Variants in SPATA17 observed in about 807,000 individuals in gnomAD.
The protein encoded by SPATA17 is spermatogenesis associated 17, also known as spermatogenesis-associated protein 17.
SPATA17 carries 53 observed loss-of-function variants against 62.2 expected under a neutral mutation model. The observed-to-expected ratio is 0.85, with a 90% CI of 0.68 to 1.07. The LOEUF (loss-of-function observed/expected upper bound fraction) is 1.07. SPATA17 is among the 50% of genes least tolerant of loss of function. The pLI is 0.00. For missense variants in SPATA17, 466 were observed against 425.5 expected (o/e 1.10, Z -0.84); for synonymous variants, 146 against 146.8 (o/e 0.99, Z 0.04).
chr1:217,850,460 A>C (rs1675622623), intron 9 of SPATA17: 1 of 1,309,176 alleles, frequency 7.6e-7, no homozygotes, highest in South Asian at 1.2e-5. Flanking sequence ...TGGATGTTGT[A>C]GTCAGAAAGA....
intron 6 of SPATA17, among the ~76,000 whole-genome samples, chr1:217,755,893 G>A (rs140154581): frequency 0.014 from 2,093 of 151,720 alleles, 117 homozygotes; most frequent in Admixed American, 0.11. Flanking sequence ...AATCAACCTC[G>A]TTTGCTATTA....
chr1:217,637,795 A>G (rs1254773202), intron 1 of SPATA17, among the ~76,000 whole-genome samples: 1 of 152,166 alleles, frequency 6.6e-6, no homozygotes, highest in African/African-American at 2.4e-5. Context: ...TGACCAATAA[A>G]ACTTAGCAAA....
chr1:217,844,332 G>A (rs1236399797), intron 9 of SPATA17, among the ~76,000 whole-genome samples: 3 of 152,126 alleles, frequency 2.0e-5, no homozygotes, highest in Non-Finnish European at 2.9e-5. Flanking sequence ...CTGGGAAGAT[G>A]TTACAGGATT....
intron 4 of SPATA17, among the ~76,000 whole-genome samples, chr1:217,672,705 T>C (rs78132925): frequency 0.013 from 2,052 of 152,276 alleles, 22 homozygotes; most frequent in Non-Finnish European, 0.019. Flanking sequence ...CTGCATTTAT[T>C]TTTTAAAGGG....
Position 217,868,620 on chromosome 1 carries a change from G to A in SPATA17, c.*1601G>A, listed in dbSNP as rs569105115. On this transcript the variant is annotated 3_prime_UTR_variant, in exon 11 of 11. Transcript: ENST00000366933. The stretch of plus-strand genomic sequence containing the variant: ...TAGTTGTATGCATACTCAAAGTATG[G>A]TTTCTACTGAATGCATTGTAAACCA... 2.7e-5 allele frequency: 4 copies of A among 148,316 alleles called. No homozygotes were observed. Among genetic ancestry groups the A allele is most frequent in the African/African-American group, 5.0e-5 (2 of 40,058 alleles). 9.2% of individuals were successfully genotyped at this position (148,316 alleles called of 1,614,324 possible). A position where few individuals can be genotyped will look rare whatever the true frequency, so the allele number is the denominator to read the frequency against.
intron 5 of SPATA17, among the ~76,000 whole-genome samples, chr1:217,721,375 G>A (rs1471779350): frequency 2.0e-5 from 3 of 152,112 alleles, no homozygotes; most frequent in Admixed American, 6.6e-5. Flanking sequence ...AGTGGCTGGT[G>A]TCTGCTGCGA....
chr1:217,868,406 G>A lies in SPATA17; in HGVS notation c.*1387G>A, dbSNP rs1676061018. 2 of 152,044 alleles carry A rather than the reference G, an allele frequency of 1.3e-5. No homozygotes were observed. The highest frequency in any genetic ancestry group is 6.6e-5 in the Admixed American group (1 of 15,248). 9.4% of individuals were successfully genotyped at this position (152,044 alleles called of 1,614,324 possible). On this transcript the variant is annotated 3_prime_UTR_variant, in exon 11 of 11. Coordinates refer to ENST00000366933, the MANE Select transcript of SPATA17 (RefSeq NM_138796.4). ...GAAAATATCCTAAGTTGAAAATATT[G>A]TAAGTTAAAAATGCATTTAATACAG...
chr1:217,763,396 G>A (rs898597314), intron 6 of SPATA17, among the ~76,000 whole-genome samples: 14 of 130,338 alleles, frequency 1.1e-4, no homozygotes, highest in African/African-American at 3.4e-4. Context: ...ATAAGCAGAT[G>A]GAAAAAAAAA....
intron 5 of SPATA17, among the ~76,000 whole-genome samples, chr1:217,713,915 A>C (rs935105161): frequency 6.6e-6 from 1 of 152,232 alleles, no homozygotes; most frequent in African/African-American, 2.4e-5. Flanking sequence ...GTTGGACTGC[A>C]TGTGGTGTTC....
rs540921376 is a variant in SPATA17, at chr1:217,709,837, C to A, written c.395+26476C>A. Among the ~76,000 whole-genome samples, 86 of 152,214 alleles carry A rather than the reference C, an allele frequency of 5.6e-4. 1 individual carries two copies. The highest frequency in any genetic ancestry group is 1.0e-3 in the Non-Finnish European group (71 of 68,002). ...TTAGGGCAATATTTTTATGTCAGGTCTTTTAATATTATATTTCAATCTTTA... is the reference window on the plus strand; with the variant it reads ...TTAGGGCAATATTTTTATGTCAGGTATTTTAATATTATATTTCAATCTTTA... On this transcript the variant is annotated intron_variant, in intron 5 of 10. Transcript: ENST00000366933.
At chr1:217,651,731 A>G (rs1295580730) in intron 3 of SPATA17, among the ~76,000 whole-genome samples, 1 of 152,210 alleles carries the variant, frequency 6.6e-6, no homozygotes, top group African/African-American at 2.4e-5. Context: ...AGTTAAATAT[A>G]TTTGTGGTTA....
At chr1:217,632,191 A>T (rs1164463686) in intron 1 of SPATA17, among the ~76,000 whole-genome samples, 1 of 151,888 alleles carries the variant, frequency 6.6e-6, no homozygotes, top group Admixed American at 6.6e-5. Flanking sequence ...TCAATAAATA[A>T]ATAAATAAAT....
intron 6 of SPATA17, among the ~76,000 whole-genome samples, chr1:217,748,166 G>A (rs1056517327): frequency 5.3e-5 from 8 of 151,772 alleles, no homozygotes; most frequent in Non-Finnish European, 8.8e-5. Flanking sequence ...AGCCAGGCAT[G>A]GTGGCGAGCG....
chr1:217,833,628 G>A (rs1334266053), intron 9 of SPATA17, among the ~76,000 whole-genome samples: 1 of 152,112 alleles, frequency 6.6e-6, no homozygotes, highest in African/African-American at 2.4e-5. Context: ...TATATGCGGA[G>A]TTTGATTTAA....
intron 9 of SPATA17, among the ~76,000 whole-genome samples, chr1:217,836,797 G>A (rs768785948): frequency 3.3e-5 from 5 of 152,094 alleles, no homozygotes; most frequent in Non-Finnish European, 7.4e-5. Flanking sequence ...AAGTGCTCCA[G>A]CTGTATTATT....
At chr1:217,832,782 A>C (rs937449153) in intron 9 of SPATA17, among the ~76,000 whole-genome samples, 24 of 152,026 alleles carry the variant, frequency 1.6e-4, no homozygotes, top group African/African-American at 5.8e-4. Context: ...GTCTCTACAA[A>C]AAATAGAAAA....
intron 3 of SPATA17, among the ~76,000 whole-genome samples, chr1:217,654,001 T>C (rs781277174): frequency 2.8e-4 from 43 of 152,314 alleles, no homozygotes; most frequent in Non-Finnish European, 4.3e-4. Flanking sequence ...GTGCTTCTTT[T>C]GTATGTGAAA....
At chr1:217,721,967 T>A (rs753944337) in intron 5 of SPATA17, among the ~76,000 whole-genome samples, 1 of 152,158 alleles carries the variant, frequency 6.6e-6, no homozygotes, top group Non-Finnish European at 1.5e-5. Context: ...TGCATTATGA[T>A]CCTTCTCCTG....
At chr1:217,732,045 T>A (rs752326685) in intron 5 of SPATA17, among the ~76,000 whole-genome samples, 13 of 150,510 alleles carry the variant, frequency 8.6e-5, no homozygotes, top group Non-Finnish European at 1.3e-4. Context: ...CCTCTTGGAG[T>A]TGACAATGAA....
Sources: allele counts gnomAD v4.1 joint callset (sites outside exome capture counted in the v4.1 genomes callset), GRCh38; gene constraint gnomAD v4.1.1; transcripts MANE v1.5; gene names NCBI Gene and HGNC (gene_info 2026-07-23, HGNC 2026-07-21).